The following CNTN5 variants were observed in gnomAD, a reference collection of about 807,000 sequenced individuals.
CNTN5 encodes the protein contactin 5.
A neutral mutation model predicts 129.1 loss-of-function variants in CNTN5; 77 were observed. That is an observed-to-expected ratio of 0.60 (90% CI 0.50 to 0.72). The LOEUF (loss-of-function observed/expected upper bound fraction) is 0.72. Among genes scored for constraint, CNTN5 ranks in the 30% least tolerant of loss-of-function variants. The pLI is 0.00. For missense variants in CNTN5, 1,478 were observed against 1,328.8 expected (o/e 1.11, Z -1.75); for synonymous variants, 509 against 465.6 (o/e 1.09, Z -1.20).
intron 4 of CNTN5, among the ~76,000 whole-genome samples, chr11:99,827,999 C>T (rs1055621278): frequency 6.9e-6 from 1 of 144,384 alleles, no homozygotes; most frequent in Non-Finnish European, 1.6e-5. Context: ...GCAAGCTGTA[C>T]ATTAACTCAT....
At chr11:99,561,622 T>C (rs1460896278) in intron 3 of CNTN5, among the ~76,000 whole-genome samples, 1 of 71,372 alleles carries the variant, frequency 1.4e-5, no homozygotes. Context: ...GTAATAATCA[T>C]GATCAATATT....
intron 3 of CNTN5, among the ~76,000 whole-genome samples, chr11:99,793,128 C>T (rs943427558): frequency 5.3e-5 from 8 of 151,702 alleles, no homozygotes; most frequent in African/African-American, 1.5e-4. Context: ...GGCGCAATCT[C>T]GGCTCACTGC....
At chr11:99,026,530 T>C (rs958856256) in intron 1 of CNTN5, among the ~76,000 whole-genome samples, 1 of 151,506 alleles carries the variant, frequency 6.6e-6, no homozygotes, top group Non-Finnish European at 1.5e-5. Context: ...AGCTGGTGAA[T>C]GAGAGTTCAT....
chr11:99,586,764 T>C (rs928698050), intron 3 of CNTN5, among the ~76,000 whole-genome samples: 1 of 152,208 alleles, frequency 6.6e-6, no homozygotes, highest in African/African-American at 2.4e-5. Context: ...TGATTATCCA[T>C]ATTTTGACTG....
At chr11:99,501,000 G>C (rs568033705) in intron 2 of CNTN5, among the ~76,000 whole-genome samples, 2 of 152,126 alleles carry the variant, frequency 1.3e-5, no homozygotes, top group Non-Finnish European at 2.9e-5. Flanking sequence ...GAAGATCCTT[G>C]ATATATGCAC....
chr11:99,938,652 C>G (rs1950367763), intron 7 of CNTN5, among the ~76,000 whole-genome samples: 1 of 152,082 alleles, frequency 6.6e-6, no homozygotes, highest in Non-Finnish European at 1.5e-5. Flanking sequence ...CAAAAATCTT[C>G]TTTATCTAAA....
chr11:99,692,091 T>C (rs769809363), intron 3 of CNTN5, among the ~76,000 whole-genome samples: 1 of 152,198 alleles, frequency 6.6e-6, no homozygotes, highest in Non-Finnish European at 1.5e-5. Flanking sequence ...TCCATTTGCT[T>C]GGTAAATTTT....
chr11:99,616,373 C>G (rs1055101356), intron 3 of CNTN5, among the ~76,000 whole-genome samples: 1 of 152,160 alleles, frequency 6.6e-6, no homozygotes, highest in African/African-American at 2.4e-5. Context: ...TGAACTTAAT[C>G]TCCTTAAACA....
At chr11:99,180,396 C>T (rs1857990092) in intron 1 of CNTN5, among the ~76,000 whole-genome samples, 1 of 152,108 alleles carries the variant, frequency 6.6e-6, no homozygotes, top group Non-Finnish European at 1.5e-5. Flanking sequence ...GAAGTTTCGG[C>T]GCAGTCTGGG....
chr11:99,888,286 C>T (rs924662938), intron 6 of CNTN5, among the ~76,000 whole-genome samples: 3 of 152,134 alleles, frequency 2.0e-5, no homozygotes, highest in East Asian at 1.9e-4. Context: ...TTGCAACCCA[C>T]CTCACTTTTA....
intron 3 of CNTN5, among the ~76,000 whole-genome samples, chr11:99,646,449 G>T (rs1343620942): frequency 1.3e-5 from 2 of 152,088 alleles, no homozygotes; most frequent in Non-Finnish European, 2.9e-5. Flanking sequence ...CAATCTATCA[G>T]AATATTCAAT....
intron 4 of CNTN5, among the ~76,000 whole-genome samples, chr11:99,836,427 A>C (rs1342020406): frequency 6.6e-6 from 1 of 151,944 alleles, no homozygotes; most frequent in Non-Finnish European, 1.5e-5. Flanking sequence ...TTTGCTGAGA[A>C]TGATGGTTTC....
chr11:99,724,805 C>G (rs1158621736), intron 3 of CNTN5, among the ~76,000 whole-genome samples: 1 of 152,110 alleles, frequency 6.6e-6, no homozygotes, highest in African/African-American at 2.4e-5. Flanking sequence ...TGAATGTCCC[C>G]TTGTGTTATC....
At chr11:99,321,620 G>A (rs1865573559) in intron 1 of CNTN5, among the ~76,000 whole-genome samples, 1 of 152,182 alleles carries the variant, frequency 6.6e-6, no homozygotes, top group South Asian at 2.1e-4. Context: ...GGAGAGTGCT[G>A]CTAGCTGAAG....
At chr11:99,544,279 A>G (rs1319279931) in intron 2 of CNTN5, among the ~76,000 whole-genome samples, 2 of 152,172 alleles carry the variant, frequency 1.3e-5, no homozygotes, top group African/African-American at 2.4e-5. Flanking sequence ...ATCACCTCCC[A>G]CTAGGCCCGA....
At chr11:99,903,490 C>A (rs1037360013) in intron 6 of CNTN5, among the ~76,000 whole-genome samples, 1 of 152,014 alleles carries the variant, frequency 6.6e-6, no homozygotes, top group African/African-American at 2.4e-5. Context: ...TACTCACAGT[C>A]AAACTGTCTT....
At chr11:99,140,753 T>C (rs955917486) in intron 1 of CNTN5, among the ~76,000 whole-genome samples, 1 of 152,136 alleles carries the variant, frequency 6.6e-6, no homozygotes, top group African/African-American at 2.4e-5. Flanking sequence ...GAGATGATTA[T>C]TTTGTTTTTG....
At chr11:99,823,051 A>G (rs1001112077) in intron 4 of CNTN5, among the ~76,000 whole-genome samples, 6 of 152,224 alleles carry the variant, frequency 3.9e-5, no homozygotes, top group African/African-American at 1.4e-4. Flanking sequence ...TTTGAATCCT[A>G]TGAGTAGTCA....
At chr11:99,313,739 T>C (rs1464606006) in intron 1 of CNTN5, among the ~76,000 whole-genome samples, 1 of 152,098 alleles carries the variant, frequency 6.6e-6, no homozygotes, top group Non-Finnish European at 1.5e-5. Context: ...TTTAACAAAC[T>C]CCACTTAAAC....
Sources: gnomAD v4.1 joint callset for allele counts (sites outside exome capture counted in the v4.1 genomes callset) on GRCh38, gnomAD v4.1.1 for gene constraint, MANE v1.5 for transcripts, NCBI Gene and HGNC (gene_info 2026-07-23, HGNC 2026-07-21) for gene names.